Variants in KLRB1 observed in about 807,000 individuals in gnomAD.
KLRB1 encodes the protein killer cell lectin like receptor B1.
A neutral mutation model predicts 33.5 loss-of-function variants in KLRB1; 27 were observed. The observed-to-expected ratio is 0.81, with a 90% CI of 0.59 to 1.11. The LOEUF is 1.11. Ranked by LOEUF, KLRB1 falls within the 50% of genes most tolerant of loss-of-function variation. KLRB1 has a pLI of 0.00. For missense variants in KLRB1, 241 were observed against 254.1 expected, an observed-to-expected ratio of 0.95 and a Z score of 0.35; for synonymous variants, 64 against 88.9, an observed-to-expected ratio of 0.72 and a Z score of 1.58.
Position 9,601,507 on chromosome 12 carries a change from C to A in KLRB1, c.178G>T (p.Val60Phe). ...LLVLVVTGLS[V>F]SVTSLIQKSS... is the part of the protein sequence containing the mutation. Reference sequence around the variant, plus strand: ...ATGATGGTGCCCCACTTACCTGAAACACTCAACCCAGTAACAACCAAGACA... The same window carrying A: ...ATGATGGTGCCCCACTTACCTGAAAAACTCAACCCAGTAACAACCAAGACA... The change falls in exon 2 of 6, where the codon GTT becomes TTT. Residue 60 changes from valine (V) to phenylalanine (F), a missense_variant. Coordinates refer to ENST00000229402, the MANE Select transcript of KLRB1 (RefSeq NM_002258.3). 6.2e-7 allele frequency: 1 copy of A among 1,610,292 alleles called. No homozygotes were observed.
chr12:9,604,072 T>TA (rs1864574331), intron 1 of KLRB1, among the ~76,000 whole-genome samples: 3 of 152,054 alleles, frequency 2.0e-5, no homozygotes, highest in African/African-American at 4.8e-5. Flanking sequence ...TAAAAATCGT[T>TA]ATTCATTCAT....
chr12:9,595,531 TA>T, intron 5 of KLRB1, 110 bp from the exon 6 acceptor site: 1 of 1,001,904 alleles, frequency 1.0e-6, no homozygotes, highest in Non-Finnish European at 1.5e-6. Context: ...GATAAACTAT[TA>T]AACAAAGAAG....
intron 5 of KLRB1, among the ~76,000 whole-genome samples, chr12:9,596,314 C>T (rs1408304923): frequency 6.6e-6 from 1 of 152,116 alleles, no homozygotes; most frequent in African/African-American, 2.4e-5. Context: ...TGCAAAAGTT[C>T]CCTATATTTT....
At chr12:9,604,309 G>C (rs747541157) in intron 1 of KLRB1, among the ~76,000 whole-genome samples, 2 of 152,230 alleles carry the variant, frequency 1.3e-5, no homozygotes, top group South Asian at 2.1e-4. Context: ...ACCTTCCAAT[G>C]GCTTTTCATC....
intron 1 of KLRB1, among the ~76,000 whole-genome samples, chr12:9,607,332 T>TCTTTCTTCCTTCCTTTCTTTCTTCC (rs1264714647): frequency 3.6e-3 from 212 of 58,438 alleles, no homozygotes; most frequent in Middle Eastern, 0.015. Flanking sequence ...TTTCTCTTTC[T>TCTTTCTTCCTTCCTTTCTTTCTTCC]TTCCTTTCTT....
At chr12:9,604,801 T>C (rs958824707) in intron 1 of KLRB1, among the ~76,000 whole-genome samples, 6 of 152,148 alleles carry the variant, frequency 3.9e-5, no homozygotes, top group African/African-American at 1.4e-4. Context: ...GACTTAGTTA[T>C]TTGTTTATTT....
intron 3 of KLRB1, 134 bp downstream of exon 3, chr12:9,599,633 A>C (rs1416554408): frequency 2.9e-6 from 2 of 701,100 alleles, no homozygotes; most frequent in East Asian, 5.3e-5. Context: ...TTTATGTCTC[A>C]ATTTTCTAAT....
In KLRB1 at chr12:9,607,408, T is replaced by TTTCTTTCTTTCTTTCTTTCTTTC. The variant is rs768238888; in HGVS notation, c.85+346_85+347insGAAAGAAAGAAAGAAAGAAAGAA. 3.2e-4 allele frequency among the ~76,000 whole-genome samples: 40 copies of TTTCTTTCTTTCTTTCTTTCTTTC among 125,656 alleles called. 1 individual carries two copies. Among genetic ancestry groups the TTTCTTTCTTTCTTTCTTTCTTTC allele is most frequent in the Non-Finnish European group, 5.3e-4 (30 of 57,064 alleles). The allele number at this position is 125,656 out of a possible 152,430, so 82.4% of individuals were successfully genotyped here. ...TCTTTCTTTCTTTCTTTCTTTCTTT[T>TTTCTTTCTTTCTTTCTTTCTTTC]CTTTCTTTCTTTCTTTCTTCCTTCT... On this transcript the variant is annotated intron_variant, in intron 1 of 5. Transcript: ENST00000229402.
intron 5 of KLRB1, among the ~76,000 whole-genome samples, chr12:9,596,101 G>A (rs1222423785): frequency 1.3e-5 from 2 of 152,168 alleles, no homozygotes; most frequent in Non-Finnish European, 2.9e-5. Flanking sequence ...CTGTATTGGG[G>A]TTGAGTTGCA....
intron 1 of KLRB1, among the ~76,000 whole-genome samples, chr12:9,605,109 T>C (rs932514114): frequency 6.6e-6 from 1 of 152,182 alleles, no homozygotes; most frequent in Admixed American, 6.5e-5. Context: ...GTCCTTGTGA[T>C]AGTTTGCTCA....
intron 1 of KLRB1, among the ~76,000 whole-genome samples, chr12:9,606,189 A>G (rs1371051905): frequency 6.6e-6 from 1 of 152,208 alleles, no homozygotes; most frequent in Non-Finnish European, 1.5e-5. Flanking sequence ...AAACAGCACA[A>G]GTCAAATGCT....
intron 5 of KLRB1, among the ~76,000 whole-genome samples, chr12:9,596,057 G>A (rs1864489451): frequency 6.6e-6 from 1 of 152,144 alleles, no homozygotes; most frequent in Non-Finnish European, 1.5e-5. Context: ...ACTGCAGGTA[G>A]GAGGTGATGA....
intron 5 of KLRB1, among the ~76,000 whole-genome samples, chr12:9,597,103 CT>C (rs1467202717): frequency 6.6e-6 from 1 of 152,086 alleles, no homozygotes; most frequent in African/African-American, 2.4e-5. Context: ...GTGTTTAATA[CT>C]TTCCATACTT....
chr12:9,596,583 G>A (rs1000730690), intron 5 of KLRB1, among the ~76,000 whole-genome samples: 23 of 152,024 alleles, frequency 1.5e-4, no homozygotes, highest in African/African-American at 4.6e-4. Context: ...CTACTATAAC[G>A]TGATACCTTC....
chr12:9,604,110 G>A (rs1353924214), intron 1 of KLRB1, among the ~76,000 whole-genome samples: 7 of 152,032 alleles, frequency 4.6e-5, no homozygotes, highest in African/African-American at 1.7e-4. Context: ...TGAGTGGAGT[G>A]TACTGTGTCT....
chr12:9,604,320 A>G (rs926778620), intron 1 of KLRB1, among the ~76,000 whole-genome samples: 6 of 152,168 alleles, frequency 3.9e-5, no homozygotes, highest in Non-Finnish European at 5.9e-5. Flanking sequence ...GCTTTTCATC[A>G]GGCAAATCTG....
chr12:9,606,760 ATTTTT>A (rs1185510083), intron 1 of KLRB1, among the ~76,000 whole-genome samples: 7 of 63,740 alleles, frequency 1.1e-4, no homozygotes, highest in African/African-American at 5.0e-4. Flanking sequence ...ATATATATAT[ATTTTT>A]TTTTTTTTTT....
intron 1 of KLRB1, among the ~76,000 whole-genome samples, chr12:9,603,425 CTATT>C (rs56793467): frequency 1.3e-5 from 2 of 150,376 alleles, no homozygotes; most frequent in South Asian, 2.1e-4. Flanking sequence ...TAACTTAATT[CTATT>C]TATTTATTTA....
In KLRB1 at chr12:9,604,776, C is replaced by T. The variant is rs376355415; in HGVS notation, c.85+2979G>A. On this transcript the variant is annotated intron_variant, in intron 1 of 5. Transcript: ENST00000229402. ...TCTTTCTCAATAACATTAACACCGTCTCATCTTTTATACTGACTTAGTTAT... is the reference window on the plus strand; with the variant it reads ...TCTTTCTCAATAACATTAACACCGTTTCATCTTTTATACTGACTTAGTTAT... 1.0e-3 allele frequency among the ~76,000 whole-genome samples: 152 copies of T among 152,274 alleles called. 2 individuals carry two copies. Among genetic ancestry groups the T allele is most frequent in the African/African-American group, 3.3e-3 (137 of 41,558 alleles).
Sources: gnomAD v4.1 joint callset for allele counts (sites outside exome capture counted in the v4.1 genomes callset) on GRCh38, gnomAD v4.1.1 for gene constraint, MANE v1.5 for transcripts, NCBI Gene and HGNC (gene_info 2026-07-23, HGNC 2026-07-21) for gene names.